The following ASIP variants were observed in gnomAD, a reference collection of about 807,000 sequenced individuals.
ASIP encodes agouti signaling protein.
In ASIP, 11 loss-of-function variants were observed where a neutral mutation model predicts 10.3. That is an observed-to-expected ratio of 1.07 (90% CI 0.68 to 1.78). ASIP has a LOEUF of 1.78. ASIP is among the 40% of genes most tolerant of loss of function. The pLI is 0.00. For synonymous variants in ASIP, 70 were observed against 70.8 expected, an observed-to-expected ratio of 0.99 and a Z score of 0.06; for missense variants, 180 against 169.2, an observed-to-expected ratio of 1.06 and a Z score of -0.35.
intron 1 of ASIP, among the ~76,000 whole-genome samples, chr20:34,202,635 ATGTG>A: frequency 6.6e-6 from 1 of 152,084 alleles, no homozygotes; most frequent in South Asian, 2.1e-4. Context: ...TCTATCTAAT[ATGTG>A]TGTGTTGTTC....
At chr20:34,222,669 C>T (rs1001842190) in intron 1 of ASIP, among the ~76,000 whole-genome samples, 3 of 152,032 alleles carry the variant, frequency 2.0e-5, no homozygotes, top group African/African-American at 7.2e-5. Context: ...CCTCTCCCCA[C>T]GGTCTCCCTC....
At chr20:34,189,562 G>A in the ASIP span, among the ~76,000 whole-genome samples, 1 of 152,064 alleles carries the variant, frequency 6.6e-6, no homozygotes, top group African/African-American at 2.4e-5. Context: ...TAAGTATTAG[G>A]CAAACCCTGG....
At chr20:34,235,829 GA>G (rs1568755842) in intron 1 of ASIP, among the ~76,000 whole-genome samples, 69 of 62,656 alleles carry the variant, frequency 1.1e-3, no homozygotes, top group African/African-American at 8.5e-3. Context: ...AAGAAAGAAA[GA>G]AAGAAAGAAA....
rs1013948986 is a variant in ASIP at position 34,195,852 on chromosome 20, AAT to A, written c.-11+1094_-11+1095del. Among the ~76,000 whole-genome samples the A allele has an allele frequency of 2.1e-4, 32 of 152,200 alleles. 1 individual carries two copies. Among genetic ancestry groups the A allele is most frequent in the South Asian group, 2.1e-4 (1 of 4,806 alleles). On this transcript the variant is annotated intron_variant, in intron 1 of 3. Transcript: ENST00000568305. ...GCTCGAGTGAGGAACAATTACTTTT[AAT>A]AGTCTATTTTACTGTCCAGCGCAGT...
upstream of ASIP, among the ~76,000 whole-genome samples, chr20:34,238,538 G>C (rs1287999689): frequency 1.3e-5 from 2 of 151,784 alleles, no homozygotes; most frequent in African/African-American, 4.8e-5. Context: ...TATCTCTATT[G>C]ATATTCCCCT....
chr20:34,263,797 T>G (rs1446234266), intron 3 of ASIP, among the ~76,000 whole-genome samples: 2 of 151,596 alleles, frequency 1.3e-5, no homozygotes, highest in East Asian at 3.9e-4. Context: ...GCCTCCCGAG[T>G]AGCTGGAATT....
intron 1 of ASIP, among the ~76,000 whole-genome samples, chr20:34,198,985 T>C (rs1397901571): frequency 6.6e-6 from 1 of 152,102 alleles, no homozygotes; most frequent in Non-Finnish European, 1.5e-5. Context: ...TCTAACACCA[T>C]ACATTAAATT....
At chr20:34,247,326 A>G (rs2035394658) in intron 1 of ASIP, among the ~76,000 whole-genome samples, 2 of 137,720 alleles carry the variant, frequency 1.5e-5, no homozygotes, top group South Asian at 2.3e-4. Flanking sequence ...TTTGAGACAG[A>G]GTCTCCTTCT....
chr20:34,258,685 A>ATATATATACACTATATG (rs1336922136), intron 1 of ASIP, among the ~76,000 whole-genome samples: 1 of 74,492 alleles, frequency 1.3e-5, no homozygotes, highest in African/African-American at 8.7e-5. Flanking sequence ...ATATATATAT[A>ATATATATACACTATATG]TATATACATA....
At chr20:34,232,159 G>A (rs2035126023) in intron 1 of ASIP, among the ~76,000 whole-genome samples, 1 of 152,206 alleles carries the variant, frequency 6.6e-6, no homozygotes, top group African/African-American at 2.4e-5. Flanking sequence ...ACATTTTATA[G>A]AAAGCAGTAA....
At chr20:34,215,015 T>C in intron 1 of ASIP, 2 of 1,443,198 alleles carry the variant, frequency 1.4e-6, no homozygotes, top group Non-Finnish European at 2.0e-6. Context: ...ATCTTCTTCC[T>C]GGTCAATGCT....
At chr20:34,195,130 GA>G (rs547366092) in intron 1 of ASIP, among the ~76,000 whole-genome samples, 208 of 135,336 alleles carry the variant, frequency 1.5e-3, no homozygotes, top group Middle Eastern at 3.9e-3. Context: ...GAAGGTACCA[GA>G]AAAAAAAAAA....
At position 34,204,222 on chromosome 20, in the gene ASIP, AT is replaced by A. The variant is rs760440247; in HGVS notation, c.-11+9477del. Among the ~76,000 whole-genome samples the A allele has an allele frequency of 4.0e-3, 552 of 139,650 alleles. 2 individuals are homozygous for A. The highest frequency in any genetic ancestry group is 0.011 in the Middle Eastern group (3 of 270). 91.6% of individuals were successfully genotyped at this position (139,650 alleles called of 152,430 possible). A position where few individuals can be genotyped will look rare whatever the true frequency, so the allele number is the denominator to read the frequency against. ...TTTCTTTCAGATAGTTATTTTTTTA[AT>A]TTTTTTTTTTTTTTGAGACGGAGTT... On this transcript the variant is annotated intron_variant, in intron 1 of 3. Coordinates refer to the ASIP transcript ENST00000568305.
rs1302700254 is a variant in ASIP at position 34,231,397 on chromosome 20, C to T, written c.-10-28968C>T. ...CCGCTGCCTCCCGGGCGGCGCTCGC[C>T]GGCGCGGCGGCAAAGACTGAGCTAG... On this transcript the variant is annotated intron_variant, in intron 1 of 3. Transcript: ENST00000568305. Among the ~76,000 whole-genome samples, 2 of 149,726 alleles carry T rather than the reference C, an allele frequency of 1.3e-5. 1 individual carries two copies. The highest frequency in any genetic ancestry group is 3.0e-5 in the Non-Finnish European group (2 of 67,568).
chr20:34,267,829 T>C (rs181241584), intron 3 of ASIP, among the ~76,000 whole-genome samples: 1 of 144,594 alleles, frequency 6.9e-6, no homozygotes, highest in African/African-American at 2.7e-5. Context: ...CCACACCCAG[T>C]TGATAACCAT....
intron 1 of ASIP, among the ~76,000 whole-genome samples, chr20:34,255,750 C>A (rs181444272): frequency 1.0e-3 from 154 of 152,294 alleles, no homozygotes; most frequent in African/African-American, 3.5e-3. Flanking sequence ...CTGTTACGCC[C>A]GGACAGGGCC....
chr20:34,196,956 G>A (rs2034861587), intron 1 of ASIP, among the ~76,000 whole-genome samples: 1 of 151,144 alleles, frequency 6.6e-6, no homozygotes, highest in Non-Finnish European at 1.5e-5. Context: ...AGAAGAATCA[G>A]CTTGAAGCAA....
chr20:34,201,068 T>C (rs1408555793), intron 1 of ASIP, among the ~76,000 whole-genome samples: 2 of 133,508 alleles, frequency 1.5e-5, no homozygotes, highest in African/African-American at 5.2e-5. Flanking sequence ...TTCTTTTTTT[T>C]CCTCCAGAAT....
upstream of ASIP, among the ~76,000 whole-genome samples, chr20:34,239,618 T>C (rs1457049038): frequency 6.6e-6 from 1 of 152,226 alleles, no homozygotes; most frequent in African/African-American, 2.4e-5. Context: ...CCCAGTGTGG[T>C]TGGTAGATGA....
Sources: allele counts gnomAD v4.1 joint callset (sites outside exome capture counted in the v4.1 genomes callset), GRCh38; gene constraint gnomAD v4.1.1; transcripts MANE v1.5; gene names NCBI Gene and HGNC (gene_info 2026-07-23, HGNC 2026-07-21).